The following ZNF562 variants were observed in gnomAD, a reference collection of about 807,000 sequenced individuals.
ZNF562 encodes the protein zinc finger protein 562.
In ZNF562, 13 loss-of-function variants were observed where a neutral mutation model predicts 17.5. The ratio of observed to expected loss-of-function variants is 0.74; its 90% CI spans 0.48 to 1.18. The LOEUF (loss-of-function observed/expected upper bound fraction) is 1.18, where lower values mean the gene tolerates loss of function less well. Ranked by LOEUF, ZNF562 falls within the 50% of genes most tolerant of loss-of-function variation. ZNF562 has a pLI of 0.00. For synonymous variants in ZNF562, 163 were observed against 165.4 expected (o/e 0.99, Z 0.11); for missense variants, 481 against 498.5 (o/e 0.96, Z 0.33).
At chr19:9,660,190 C>G (rs1237347648) in intron 2 of ZNF562, among the ~76,000 whole-genome samples, 2 of 150,988 alleles carry the variant, frequency 1.3e-5, no homozygotes, top group African/African-American at 4.9e-5. Flanking sequence ...TTGAACCCAG[C>G]AGGCGGAGGT....
chr19:9,663,637 TA>T (rs1470166779), intron 1 of ZNF562, among the ~76,000 whole-genome samples: 3 of 152,068 alleles, frequency 2.0e-5, no homozygotes, highest in Non-Finnish European at 4.4e-5. Context: ...TAGACTGCAG[TA>T]GCACGATTGC....
In ZNF562 at chr19:9,649,058, G is replaced by A. The variant is rs1251300116; in HGVS notation, c.*3891C>T. 1.3e-5 allele frequency: 2 copies of A among 152,168 alleles called. No individual in the cohort carries two copies. The highest frequency in any genetic ancestry group is 2.9e-5 in the Non-Finnish European group (2 of 68,028). 9.4% of individuals were successfully genotyped at this position (152,168 alleles called of 1,614,324 possible). On this transcript the variant is annotated 3_prime_UTR_variant, in exon 6 of 6. Coordinates refer to ENST00000453372, the MANE Select transcript of ZNF562 (RefSeq NM_001130031.2). The stretch of plus-strand genomic sequence containing the variant: ...GGCTGAAGCCATGGCAGAAAAACAT[G>A]GATTGTGAAGGTTTCATGGACATTT...
In ZNF562 at chr19:9,652,673, T is replaced by C. The variant is rs560988312; in HGVS notation, c.*276A>G. 4.4e-5 allele frequency: 12 copies of C among 269,862 alleles called. No individual in the cohort carries two copies. In the East Asian group the frequency reaches 7.7e-4, roughly 17 times the overall value. The allele number at this position is 269,862 out of a possible 1,614,324, so 16.7% of individuals were successfully genotyped here. ...CCTCGGGATGCATCTAAGGCCAATCTGTGAGCCATTACAACCTCCAAAAGG... is the reference window on the plus strand; with the variant it reads ...CCTCGGGATGCATCTAAGGCCAATCCGTGAGCCATTACAACCTCCAAAAGG... On this transcript the variant is annotated 3_prime_UTR_variant, in exon 6 of 6. Coordinates refer to ENST00000453372, the MANE Select transcript of ZNF562 (RefSeq NM_001130031.2).
chr19:9,666,490 A>C (rs2043965745), intron 1 of ZNF562, among the ~76,000 whole-genome samples: 2 of 152,078 alleles, frequency 1.3e-5, no homozygotes. Flanking sequence ...ATACCCCTTA[A>C]AATACTAGAA....
rs2074852704 is a variant in ZNF562, at chr19:9,650,511, AC to A, written c.*2437del. The A allele has an allele frequency of 6.6e-6, 1 of 151,734 alleles. No homozygotes were observed. The highest frequency in any genetic ancestry group is 1.5e-5 in the Non-Finnish European group (1 of 67,988). 9.4% of individuals were successfully genotyped at this position (151,734 alleles called of 1,614,324 possible). On this transcript the variant is annotated 3_prime_UTR_variant, in exon 6 of 6. Transcript: ENST00000453372. Reference sequence around the variant, plus strand: ...AGAGAAGGGGGCGGGGAGGGGGGAGACCGACCGACCTATTTGTTGGTCTCCA... The same window carrying A: ...AGAGAAGGGGGCGGGGAGGGGGGAGACGACCGACCTATTTGTTGGTCTCCA...
intron 3 of ZNF562, among the ~76,000 whole-genome samples, chr19:9,659,009 C>A (rs1285659130): frequency 6.6e-6 from 1 of 152,214 alleles, no homozygotes; most frequent in African/African-American, 2.4e-5. Context: ...CCATTGGTCT[C>A]TGGGCAGCAC....
In ZNF562 at chr19:9,647,793, GTAA is replaced by G. The variant is rs1434496767; in HGVS notation, c.*5153_*5155del. On this transcript the variant is annotated 3_prime_UTR_variant, in exon 6 of 6. Transcript: ENST00000453372. The stretch of plus-strand genomic sequence containing the variant: ...TGGAACCCAGGAGGTGGAATTTGCA[GTAA>G]GTTGAGATCACACCATTGCACTCCA... 4 of 152,312 alleles carry G rather than the reference GTAA, an allele frequency of 2.6e-5. No homozygotes were observed. The highest frequency in any genetic ancestry group is 5.9e-5 in the Non-Finnish European group (4 of 68,032). The allele number at this position is 152,312 out of a possible 1,614,324, so 9.4% of individuals were successfully genotyped here. A position where few individuals can be genotyped will look rare whatever the true frequency, so the allele number is the denominator to read the frequency against.
chr19:9,648,152 TCA>T lies in ZNF562; in HGVS notation c.*4795_*4796del, dbSNP rs1456432002. On this transcript the variant is annotated 3_prime_UTR_variant, in exon 6 of 6. Coordinates refer to ENST00000453372, the MANE Select transcript of ZNF562 (RefSeq NM_001130031.2). ...TCATTAAGGGACAATTTTTTAAAAATCACAATGTTATTCAAACATAGCTCCAT... is the reference window on the plus strand; with the variant it reads ...TCATTAAGGGACAATTTTTTAAAAATCAATGTTATTCAAACATAGCTCCAT... 1 of 152,158 alleles carries T rather than the reference TCA, an allele frequency of 6.6e-6. No homozygotes were observed. The highest frequency in any genetic ancestry group is 1.5e-5 in the Non-Finnish European group (1 of 68,024). The allele number at this position is 152,158 out of a possible 1,614,324, so 9.4% of individuals were successfully genotyped here.
At chr19:9,659,823 G>C (rs148963162) in intron 2 of ZNF562, among the ~76,000 whole-genome samples, 2,684 of 151,164 alleles carry the variant, frequency 0.018, 42 homozygotes, top group South Asian at 0.044. Flanking sequence ...TGGGCACAGA[G>C]GCTCATGCCT....
At chr19:9,660,374 T>C (rs2144998597) in intron 2 of ZNF562, among the ~76,000 whole-genome samples, 1 of 151,970 alleles carries the variant, frequency 6.6e-6, no homozygotes, top group East Asian at 1.9e-4. Flanking sequence ...TGCCTGTAAT[T>C]CCAACACTTT....
chr19:9,664,680 C>G (rs991874701), intron 1 of ZNF562, among the ~76,000 whole-genome samples: 2 of 152,152 alleles, frequency 1.3e-5, no homozygotes, highest in South Asian at 4.1e-4. Flanking sequence ...TAGCTCACAC[C>G]TATAATCCCA....
intron 5 of ZNF562, among the ~76,000 whole-genome samples, chr19:9,656,151 C>T (rs1386357508): frequency 1.3e-5 from 2 of 152,186 alleles, no homozygotes; most frequent in Admixed American, 1.3e-4. Context: ...ATGTAAACCA[C>T]ACCACTAACT....
intron 3 of ZNF562, 100 bp from the exon 4 acceptor site, chr19:9,658,235 T>G (rs1427689931): frequency 7.7e-6 from 11 of 1,431,688 alleles, no homozygotes; most frequent in Non-Finnish European, 1.0e-5. Flanking sequence ...TTATACGTGG[T>G]TCTCAAGTCT....
At chr19:9,668,763 C>A (rs1042814638) in intron 1 of ZNF562, among the ~76,000 whole-genome samples, 6 of 150,446 alleles carry the variant, frequency 4.0e-5, no homozygotes, top group East Asian at 1.9e-4. Flanking sequence ...ATAAAAAAAA[C>A]AAACAAACAC....
chr19:9,669,730 G>GCACACA lies in ZNF562; in HGVS notation c.-131+5284_-131+5285insTGTGTG, dbSNP rs1385183876. On this transcript the variant is annotated intron_variant, in intron 1 of 5. Transcript: ENST00000453372. ...TGCACGCGCGCGAGCGCGCGCGCGCGCGCGCACACACACACACACACACAC... is the reference window on the plus strand; with the variant it reads ...TGCACGCGCGCGAGCGCGCGCGCGCGCACACACGCGCACACACACACACACACACAC... 8.7e-3 allele frequency among the ~76,000 whole-genome samples: 754 copies of GCACACA among 86,854 alleles called. 3 individuals carry two copies. Among genetic ancestry groups the GCACACA allele is most frequent in the Middle Eastern group, 0.02 (4 of 198 alleles). 57.0% of individuals were successfully genotyped at this position (86,854 alleles called of 152,430 possible).
rs1012385465 is a variant in ZNF562 at position 9,642,838 on chromosome 19, C to T, written c.*10111G>A. On this transcript the variant is annotated 3_prime_UTR_variant, in exon 6 of 6. Transcript: ENST00000453372. Reference sequence around the variant, plus strand: ...AACAGGATTTCAAGACCAGCCTGGGCAATATAGTGAGACACAGTCTCGACC... The same window carrying T: ...AACAGGATTTCAAGACCAGCCTGGGTAATATAGTGAGACACAGTCTCGACC... The T allele has an allele frequency of 7.0e-6, 1 of 143,776 alleles. No individual in the cohort carries two copies. Among genetic ancestry groups the T allele is most frequent in the African/African-American group, 2.6e-5 (1 of 38,582 alleles). The allele number at this position is 143,776 out of a possible 1,614,324, so 8.9% of individuals were successfully genotyped here.
Position 9,645,970 on chromosome 19 carries a change from A to T in ZNF562, c.*6979T>A, listed in dbSNP as rs2074803502. On this transcript the variant is annotated 3_prime_UTR_variant, in exon 6 of 6. Coordinates refer to ENST00000453372, the MANE Select transcript of ZNF562 (RefSeq NM_001130031.2). Reference sequence around the variant, plus strand: ...GAACACAATGAAACAAACAAAAAAAATTAGATGCTAGAAATTAATCCAAAT... The same window carrying T: ...GAACACAATGAAACAAACAAAAAAATTTAGATGCTAGAAATTAATCCAAAT... 1 of 152,230 alleles carries T rather than the reference A, an allele frequency of 6.6e-6. No individual in the cohort carries two copies. Among genetic ancestry groups the T allele is most frequent in the South Asian group, 2.1e-4 (1 of 4,828 alleles). The allele number at this position is 152,230 out of a possible 1,614,324, so 9.4% of individuals were successfully genotyped here.
chr19:9,671,257 T>G (rs1215703264), intron 1 of ZNF562, among the ~76,000 whole-genome samples: 1 of 152,162 alleles, frequency 6.6e-6, no homozygotes, highest in Admixed American at 6.5e-5. Context: ...CTATTATGAA[T>G]CAAAAAAATT....
In ZNF562 at chr19:9,658,968, C is replaced by G. The variant is rs565425211; in HGVS notation, c.114+411G>C. ...CCACTGCACACTGCTTACATTATCT[C>G]AGCACAAACAGGCTAGGAGCTCTTC... is the stretch of plus-strand genomic sequence containing the variant. On this transcript the variant is annotated intron_variant, in intron 3 of 5. Transcript: ENST00000453372. Among the ~76,000 whole-genome samples the G allele has an allele frequency of 4.6e-5, 7 of 152,290 alleles. No individual in the cohort carries two copies. The East Asian group carries it at 1.4e-3, about 29-fold the overall frequency.
Sources: gnomAD v4.1 joint callset for allele counts (sites outside exome capture counted in the v4.1 genomes callset) on GRCh38, gnomAD v4.1.1 for gene constraint, MANE v1.5 for transcripts, NCBI Gene and HGNC (gene_info 2026-07-23, HGNC 2026-07-21) for gene names.